SLC28A1: variants seen among roughly 807,000 people sequenced by gnomAD.
The protein encoded by SLC28A1 is solute carrier family 28 member 1, also known as sodium/nucleoside cotransporter 1.
Under a neutral mutation model 74.8 loss-of-function variants are expected in SLC28A1, and 64 were observed. The observed-to-expected ratio is 0.86, with a 90% CI of 0.70 to 1.05. The LOEUF (loss-of-function observed/expected upper bound fraction) is 1.05, where lower values mean the gene tolerates loss of function less well. Ranked by LOEUF, SLC28A1 falls within the 50% of genes least tolerant of loss-of-function variation. SLC28A1 has a pLI of 0.00. For synonymous variants in SLC28A1, 359 were observed against 335.0 expected, an observed-to-expected ratio of 1.07 and a Z score of -0.78; for missense variants, 828 against 822.8, an observed-to-expected ratio of 1.01 and a Z score of -0.08.
chr15:84,908,198 T>C (rs1967541259), intron 8 of SLC28A1, among the ~76,000 whole-genome samples: 1 of 129,822 alleles, frequency 7.7e-6, no homozygotes, highest in South Asian at 2.4e-4. Context: ...TTTTTTTTTT[T>C]TTTGAGACAG....
downstream of SLC28A1, among the ~76,000 whole-genome samples, chr15:84,950,007 CAAAG>C (rs1294284913): frequency 6.6e-6 from 1 of 152,046 alleles, no homozygotes; most frequent in East Asian, 1.9e-4. Flanking sequence ...GAAGTTCTGA[CAAAG>C]ATATGGAATG....
At chr15:84,947,305 A>G (rs1188726238), downstream of SLC28A1, among the ~76,000 whole-genome samples, 1 of 152,190 alleles carries the variant, frequency 6.6e-6, no homozygotes, top group Non-Finnish European at 1.5e-5. Context: ...TGATATGGAC[A>G]ACACAGTCCT....
intron 13 of SLC28A1, among the ~76,000 whole-genome samples, chr15:84,934,001 C>T (rs564667175): frequency 6.6e-6 from 1 of 152,206 alleles, no homozygotes; most frequent in East Asian, 1.9e-4. Flanking sequence ...GCCACCAGTC[C>T]TACTCCCATG....
chr15:84,905,172 C>CGAGCTGGGAG (rs1966903996), intron 7 of SLC28A1, among the ~76,000 whole-genome samples: 1 of 152,140 alleles, frequency 6.6e-6, no homozygotes, highest in South Asian at 2.1e-4. Context: ...AGGGTTCACA[C>CGAGCTGGGAG]GAGCTGGGAG....
At position 84,887,853 on chromosome 15, in the gene SLC28A1, C is replaced by A. The variant is rs1268905736; in HGVS notation, c.93C>A (p.Ser31Arg). The A allele has an allele frequency of 1.9e-6, 3 of 1,609,738 alleles. No homozygotes were observed. The highest frequency in any genetic ancestry group is 2.6e-6 in the Non-Finnish European group (3 of 1,176,138). The change falls in exon 3 of 19, where the codon AGC becomes AGA. Residue 31 changes from serine to arginine, a missense_variant. By Grantham distance (110) the Ser-to-Arg change is moderately radical. Around this residue, in one of 3 missense-constraint regions of SLC28A1, gnomAD observed 767 missense variants for 753.5 expected, o/e 1.02. Transcript: ENST00000394573. The part of the protein sequence containing the change: ...LENMGADFLE[S>R]LEEGQLPRSD... ...ACATGGGGGCTGATTTCTTGGAAAG[C>A]CTGGTCTGTACCCTTCCCCATCAGT...
chr15:84,957,780 G>A, the SLC28A1 span, among the ~76,000 whole-genome samples: 1 of 152,154 alleles, frequency 6.6e-6, no homozygotes, highest in African/African-American at 2.4e-5. Flanking sequence ...TCTTTTTAAA[G>A]ATTGTTTAAG....
At chr15:84,909,869 T>G (rs1406334649) in intron 9 of SLC28A1, among the ~76,000 whole-genome samples, 1 of 152,222 alleles carries the variant, frequency 6.6e-6, no homozygotes, top group African/African-American at 2.4e-5. Context: ...TTCCAGAGGT[T>G]TCTTCTGTTT....
chr15:84,935,427 AG>A lies in SLC28A1; in HGVS notation c.1491del (p.Glu497AspfsTer58). On this transcript the variant is annotated frameshift_variant, in exon 15 of 19. Transcript: ENST00000394573. LOFTEE classifies it high-confidence loss of function. Reference sequence around the variant, plus strand: ...CTGGGGATCAAGCTGTTTCTGAACGAGTTTGTGGCCTATCAAGACCTCTCCA... The same window carrying A: ...CTGGGGATCAAGCTGTTTCTGAACGATTTGTGGCCTATCAAGACCTCTCCA... ...ELLGIKLFLN[E>X]FVAYQDLSKY... The A allele has an allele frequency of 6.2e-7, 1 of 1,614,118 alleles. No individual in the cohort carries two copies. Among genetic ancestry groups the A allele is most frequent in the Non-Finnish European group, 8.5e-7 (1 of 1,180,024 alleles).
At chr15:84,970,895 A>G in the SLC28A1 span, among the ~76,000 whole-genome samples, 4 of 152,170 alleles carry the variant, frequency 2.6e-5, no homozygotes, top group Non-Finnish European at 4.4e-5. Context: ...CCTTAAGTCC[A>G]TGGCCAGTCT....
chr15:84,935,519 G>A lies in SLC28A1; in HGVS notation c.1581+1G>A, dbSNP rs763585378. 16 of 1,611,932 alleles carry A rather than the reference G, an allele frequency of 9.9e-6. No homozygotes were observed. In the African/African-American group the frequency reaches 1.1e-4, roughly 11 times the overall value. On this transcript the variant is annotated splice_donor_variant, in intron 15 of 18. Coordinates refer to ENST00000394573, the MANE Select transcript of SLC28A1 (RefSeq NM_004213.5). LOFTEE classifies it high-confidence loss of function. Reference sequence around the variant, plus strand: ...CGGCGACAGGAAGCAGTGGATCTCCGTGAGTGTCCCAGTCCCTTCCCTGCA... The same window carrying A: ...CGGCGACAGGAAGCAGTGGATCTCCATGAGTGTCCCAGTCCCTTCCCTGCA...
chr15:84,933,013 C>T, intron 12 of SLC28A1, 132 bp from the exon 13 acceptor site: 1 of 835,246 alleles, frequency 1.2e-6, no homozygotes, highest in South Asian at 1.3e-5. Context: ...TTAGTGATGA[C>T]AGCAGTTATG....
chr15:84,965,698 T>C, the SLC28A1 span, among the ~76,000 whole-genome samples: 1 of 152,166 alleles, frequency 6.6e-6, no homozygotes, highest in Admixed American at 6.5e-5. Context: ...TGCCTGAGAC[T>C]TTACTGGTTT....
At chr15:84,912,814 A>AGTG (rs1968519881) in intron 9 of SLC28A1, among the ~76,000 whole-genome samples, 12 of 126,188 alleles carry the variant, frequency 9.5e-5, no homozygotes, top group African/African-American at 1.4e-4. Context: ...GCGCACACAC[A>AGTG]CACACACACA....
chr15:84,898,805 G>A (rs73439905), intron 6 of SLC28A1, among the ~76,000 whole-genome samples: 4,939 of 152,194 alleles, frequency 0.032, 286 homozygotes, highest in African/African-American at 0.11. Context: ...CCTGGAGAGC[G>A]TTTCCAGACC....
chr15:84,956,598 TCCTCCCACCTCAG>T, the SLC28A1 span, among the ~76,000 whole-genome samples: 1 of 150,640 alleles, frequency 6.6e-6, no homozygotes, highest in Non-Finnish European at 1.5e-5. Flanking sequence ...GCTCAAGAGA[TCCTCCCACCTCAG>T]CCTCCTGAGT....
In SLC28A1 at chr15:84,896,847, A is replaced by G. The variant is rs369703926; in HGVS notation, c.461+1724A>G. Among the ~76,000 whole-genome samples the G allele has an allele frequency of 1.1e-3, 167 of 152,334 alleles. 1 individual carries two copies. Among genetic ancestry groups the G allele is most frequent in the African/African-American group, 3.8e-3 (159 of 41,558 alleles). ...AATAATGATAAACCTTGGGAACATC[A>G]TGCTCAGTGAAAGAAACCAGTCTTA... On this transcript the variant is annotated intron_variant, in intron 6 of 18. Coordinates refer to ENST00000394573, the MANE Select transcript of SLC28A1 (RefSeq NM_004213.5).
intron 9 of SLC28A1, among the ~76,000 whole-genome samples, chr15:84,909,526 C>T (rs1223100861): frequency 1.3e-5 from 2 of 152,228 alleles, no homozygotes; most frequent in Non-Finnish European, 2.9e-5. Context: ...GAGGATGCTA[C>T]TGGTGGGACT....
At chr15:84,960,840 T>C in the SLC28A1 span, among the ~76,000 whole-genome samples, 20 of 151,500 alleles carry the variant, frequency 1.3e-4, no homozygotes, top group Non-Finnish European at 2.5e-4. Flanking sequence ...TCCTTATTGC[T>C]TTATAAATCT....
At chr15:84,890,167 T>G (rs1965203761) in intron 4 of SLC28A1, among the ~76,000 whole-genome samples, 1 of 152,212 alleles carries the variant, frequency 6.6e-6, no homozygotes, top group Non-Finnish European at 1.5e-5. Context: ...GATGAGGTTC[T>G]GCCTTTTCAG....
Sources: allele counts gnomAD v4.1 joint callset (sites outside exome capture counted in the v4.1 genomes callset), GRCh38; gene constraint gnomAD v4.1.1; regional missense constraint gnomAD v4.1.1; transcripts MANE v1.5; gene names NCBI Gene and HGNC (gene_info 2026-07-23, HGNC 2026-07-21).